Variants in RAB2A observed in about 807,000 individuals in gnomAD.
RAB2A encodes ras-related protein Rab-2A.
Under a neutral mutation model 32.5 loss-of-function variants are expected in RAB2A, and 7 were observed. That is an observed-to-expected ratio of 0.22 (90% CI 0.12 to 0.40). The LOEUF (loss-of-function observed/expected upper bound fraction) is 0.40. RAB2A is among the 10% of genes least tolerant of loss of function. The pLI, the probability that RAB2A is intolerant of heterozygous loss-of-function variation, is 1.00. For synonymous variants in RAB2A, 79 were observed against 85.2 expected (o/e 0.93, Z 0.40); for missense variants, 108 against 260.7 (o/e 0.41, Z 4.03).
At chr8:60,610,358 C>A (rs1804322214) in intron 6 of RAB2A, among the ~76,000 whole-genome samples, 1 of 152,188 alleles carries the variant, frequency 6.6e-6, no homozygotes, top group African/African-American at 2.4e-5. Context: ...TACCTGCATT[C>A]TGTCTCAGTA....
At chr8:60,607,236 T>C in intron 6 of RAB2A, among the ~76,000 whole-genome samples, 1 of 150,630 alleles carries the variant, frequency 6.6e-6, no homozygotes, top group Non-Finnish European at 1.5e-5. Context: ...GAGACCATCC[T>C]GGCTAACATG....
chr8:60,597,818 A>C (rs1563482372), intron 6 of RAB2A, among the ~76,000 whole-genome samples: 1 of 152,238 alleles, frequency 6.6e-6, no homozygotes, highest in Non-Finnish European at 1.5e-5. Context: ...GAAAAGGTGC[A>C]AGTTACCAAT....
chr8:60,592,518 T>C, intron 6 of RAB2A, among the ~76,000 whole-genome samples: 1 of 151,036 alleles, frequency 6.6e-6, no homozygotes. Flanking sequence ...ATTTTTTTAA[T>C]TTTATTTATT....
intron 2 of RAB2A, among the ~76,000 whole-genome samples, chr8:60,565,787 T>A (rs1808103499): frequency 7.6e-6 from 1 of 132,268 alleles, no homozygotes. Context: ...CTTGGCTCAC[T>A]GCAACCTCCA....
chr8:60,551,734 C>T (rs1156248661), intron 1 of RAB2A, among the ~76,000 whole-genome samples: 1 of 152,144 alleles, frequency 6.6e-6, no homozygotes, highest in Non-Finnish European at 1.5e-5. Flanking sequence ...TTGCTTGTCA[C>T]TCAGGCTCGA....
chr8:60,548,680 C>A (rs1477827912), intron 1 of RAB2A, among the ~76,000 whole-genome samples: 2 of 144,578 alleles, frequency 1.4e-5, no homozygotes, highest in Non-Finnish European at 1.5e-5. Context: ...AGTGGCTGGC[C>A]GGGCAGAGGG....
chr8:60,559,625 G>A (rs548538950), intron 2 of RAB2A, among the ~76,000 whole-genome samples: 2 of 152,240 alleles, frequency 1.3e-5, no homozygotes, highest in African/African-American at 2.4e-5. Context: ...TTACTGTTTC[G>A]GGTTTTTATT....
At chr8:60,560,379 G>A (rs149629838) in intron 2 of RAB2A, among the ~76,000 whole-genome samples, 2,721 of 152,226 alleles carry the variant, frequency 0.018, 39 homozygotes, top group Non-Finnish European at 0.02. Flanking sequence ...GTGAGCCACC[G>A]CACTGGCCTG....
At chr8:60,599,782 G>C (rs1406814293) in intron 6 of RAB2A, among the ~76,000 whole-genome samples, 1 of 151,442 alleles carries the variant, frequency 6.6e-6, no homozygotes, top group Non-Finnish European at 1.5e-5. Context: ...AAATCCTGGA[G>C]TTAAATGTAA....
At chr8:60,613,273 T>A (rs1267831016) in intron 6 of RAB2A, among the ~76,000 whole-genome samples, 1 of 152,154 alleles carries the variant, frequency 6.6e-6, no homozygotes, top group African/African-American at 2.4e-5. Flanking sequence ...TACTCCCTTC[T>A]CCTGTTGTTC....
At chr8:60,593,981 GA>G (rs955632625) in intron 6 of RAB2A, among the ~76,000 whole-genome samples, 18 of 150,584 alleles carry the variant, frequency 1.2e-4, no homozygotes, top group African/African-American at 3.9e-4. Flanking sequence ...TTGTACACTA[GA>G]AAAAAAAACT....
chr8:60,540,568 C>T (rs1294712528), intron 1 of RAB2A, among the ~76,000 whole-genome samples: 1 of 152,228 alleles, frequency 6.6e-6, no homozygotes, highest in African/African-American at 2.4e-5. Context: ...CAACTTCTGC[C>T]TCACAGGTTT....
In RAB2A at chr8:60,599,091, A is replaced by G. The variant is rs561860566; in HGVS notation, c.474+7122A>G. On this transcript the variant is annotated intron_variant, in intron 6 of 7. Coordinates refer to ENST00000262646, the MANE Select transcript of RAB2A (RefSeq NM_002865.3). ...AAAGTGAGTTCAGCAAGGTTGCAGG[A>G]TACAAGGTAGACATAAAAATCAATC... Among the ~76,000 whole-genome samples the G allele has an allele frequency of 2.0e-5, 3 of 152,254 alleles. No individual in the cohort carries two copies. In the South Asian group the frequency reaches 6.2e-4, roughly 32 times the overall value.
intron 5 of RAB2A, among the ~76,000 whole-genome samples, chr8:60,589,027 C>A (rs1476678870): frequency 6.6e-6 from 1 of 152,060 alleles, no homozygotes; most frequent in African/African-American, 2.4e-5. Flanking sequence ...CTCACTAAAC[C>A]TTTTTAAGGT....
intron 2 of RAB2A, among the ~76,000 whole-genome samples, chr8:60,567,394 T>C (rs1481671194): frequency 2.0e-5 from 3 of 152,154 alleles, no homozygotes; most frequent in Non-Finnish European, 4.4e-5. Flanking sequence ...TTCTATTTCA[T>C]GAGGCAATAT....
At chr8:60,590,723 A>G (rs545967733) in intron 5 of RAB2A, among the ~76,000 whole-genome samples, 1 of 151,818 alleles carries the variant, frequency 6.6e-6, no homozygotes, top group African/African-American at 2.4e-5. Context: ...CACCAGTTTA[A>G]AAACAAACTA....
chr8:60,558,604 C>T (rs1356912013), intron 1 of RAB2A: 2 of 526,136 alleles, frequency 3.8e-6, no homozygotes, highest in Non-Finnish European at 7.0e-6. Context: ...AGTTTAGCTG[C>T]CATATTTATC....
At chr8:60,611,434 C>G (rs1804346212) in intron 6 of RAB2A, among the ~76,000 whole-genome samples, 1 of 152,174 alleles carries the variant, frequency 6.6e-6, no homozygotes, top group South Asian at 2.1e-4. Flanking sequence ...CCTTCACTTG[C>G]AGGGCTTTTC....
At chr8:60,588,377 T>C (rs1266759372) in intron 5 of RAB2A, among the ~76,000 whole-genome samples, 2 of 152,240 alleles carry the variant, frequency 1.3e-5, no homozygotes, top group African/African-American at 4.8e-5. Flanking sequence ...TCCACAGAAT[T>C]ATGTACAAAT....
Sources: gnomAD v4.1 joint callset for allele counts (sites outside exome capture counted in the v4.1 genomes callset) on GRCh38, gnomAD v4.1.1 for gene constraint, MANE v1.5 for transcripts, NCBI Gene and HGNC (gene_info 2026-07-23, HGNC 2026-07-21) for gene names.